CFAP95: variants seen among roughly 807,000 people sequenced by gnomAD.
CFAP95 encodes cilia- and flagella-associated protein 95.
At chr9:69,831,248 C>T in the CFAP95 span, among the ~76,000 whole-genome samples, 42 of 151,844 alleles carry the variant, frequency 2.8e-4, no homozygotes, top group Admixed American at 7.9e-4. Context: ...AATTTAGCCT[C>T]CTTTTATAGA....
the CFAP95 span, among the ~76,000 whole-genome samples, chr9:69,853,695 C>T: frequency 1.3e-4 from 20 of 152,126 alleles, no homozygotes; most frequent in Non-Finnish European, 2.5e-4. Flanking sequence ...ATTAGGTTTG[C>T]CTACATGCAA....
chr9:69,840,522 C>A, the CFAP95 span, among the ~76,000 whole-genome samples: 1 of 152,130 alleles, frequency 6.6e-6, no homozygotes, highest in African/African-American at 2.4e-5. Context: ...CGGTTCATCT[C>A]AGGAAACCTG....
the CFAP95 span, among the ~76,000 whole-genome samples, chr9:69,882,510 T>A: frequency 1.3e-5 from 2 of 152,216 alleles, no homozygotes; most frequent in Admixed American, 1.3e-4. Flanking sequence ...AAAGTGGCCA[T>A]CCTTGTTGTA....
the CFAP95 span, among the ~76,000 whole-genome samples, chr9:69,853,439 A>G: frequency 6.6e-6 from 1 of 152,188 alleles, no homozygotes; most frequent in South Asian, 2.1e-4. Flanking sequence ...TCTATATTAT[A>G]ATTTTCTCAA....
At chr9:69,871,899 C>T in the CFAP95 span, among the ~76,000 whole-genome samples, 1 of 152,188 alleles carries the variant, frequency 6.6e-6, no homozygotes, top group African/African-American at 2.4e-5. Flanking sequence ...TAACCAACCC[C>T]TCCCACTGTT....
the CFAP95 span, among the ~76,000 whole-genome samples, chr9:69,855,826 A>C: frequency 5.9e-5 from 9 of 152,250 alleles, no homozygotes; most frequent in South Asian, 1.9e-3. Flanking sequence ...TCTCTTTAAA[A>C]AACAACAACA....
the CFAP95 span, chr9:69,858,279 G>A: frequency 5.5e-6 from 2 of 362,780 alleles, no homozygotes; most frequent in Non-Finnish European, 1.0e-5. Flanking sequence ...GGTCATTTGT[G>A]GACATATGCA....
chr9:69,896,434 C>G, the CFAP95 span, among the ~76,000 whole-genome samples: 1 of 152,052 alleles, frequency 6.6e-6, no homozygotes, highest in African/African-American at 2.4e-5. Flanking sequence ...TGTAGTGAAA[C>G]CTTACTATGT....
the CFAP95 span, among the ~76,000 whole-genome samples, chr9:69,895,359 C>CTCTCTT: frequency 1.0e-5 from 1 of 97,290 alleles, no homozygotes; most frequent in East Asian, 3.8e-4. Context: ...CTCTCTCTCT[C>CTCTCTT]TCTCTCTCTC....
At chr9:69,833,074 C>A in the CFAP95 span, among the ~76,000 whole-genome samples, 1 of 152,056 alleles carries the variant, frequency 6.6e-6, no homozygotes, top group Non-Finnish European at 1.5e-5. Context: ...AATTCAATGG[C>A]TTTTAGTATT....
the CFAP95 span, among the ~76,000 whole-genome samples, chr9:69,835,307 T>A: frequency 2.6e-5 from 4 of 152,268 alleles, no homozygotes; most frequent in Non-Finnish European, 5.9e-5. Flanking sequence ...AAAGTGTGTC[T>A]CTTGTCAAGT....
the CFAP95 span, among the ~76,000 whole-genome samples, chr9:69,882,509 A>G: frequency 6.6e-6 from 1 of 152,158 alleles, no homozygotes; most frequent in Non-Finnish European, 1.5e-5. Context: ...GAAAGTGGCC[A>G]TCCTTGTTGT....
the CFAP95 span, chr9:69,902,418 C>A: frequency 4.9e-6 from 2 of 411,372 alleles, no homozygotes; most frequent in Non-Finnish European, 9.5e-6. Flanking sequence ...TATTGTCTTG[C>A]TCAAAAATCC....
chr9:69,837,866 T>A, the CFAP95 span, among the ~76,000 whole-genome samples: 2 of 152,220 alleles, frequency 1.3e-5, no homozygotes, highest in East Asian at 1.9e-4. Context: ...TGGTTTTAGG[T>A]CTAACGTTTA....
the CFAP95 span, among the ~76,000 whole-genome samples, chr9:69,872,153 T>G: frequency 2.0e-5 from 3 of 152,220 alleles, no homozygotes; most frequent in African/African-American, 7.2e-5. Context: ...AGAGCCTGTG[T>G]CATTAACTTT....
At chr9:69,832,620 A>ATTTTTTTTTTTTTT in the CFAP95 span, among the ~76,000 whole-genome samples, 7 of 11,350 alleles carry the variant, frequency 6.2e-4, no homozygotes, top group Admixed American at 1.8e-3. Flanking sequence ...GTCTATTCGG[A>ATTTTTTTTTTTTTT]TTTTTTTTTT....
chr9:69,890,293 C>T, the CFAP95 span, among the ~76,000 whole-genome samples: 2 of 152,074 alleles, frequency 1.3e-5, no homozygotes, highest in African/African-American at 4.8e-5. Context: ...AGCATTATTT[C>T]TAATATTTCT....
At chr9:69,871,165 C>T in the CFAP95 span, among the ~76,000 whole-genome samples, 1 of 152,026 alleles carries the variant, frequency 6.6e-6, no homozygotes, top group African/African-American at 2.4e-5. Context: ...TTGCAGTGAG[C>T]TGAGATCGCC....
At chr9:69,830,511 G>C in the CFAP95 span, among the ~76,000 whole-genome samples, 2 of 152,194 alleles carry the variant, frequency 1.3e-5, no homozygotes, top group South Asian at 2.1e-4. Flanking sequence ...TCCCTCCCCA[G>C]CCAACTTGTA....
Sources: allele counts gnomAD v4.1 joint callset (sites outside exome capture counted in the v4.1 genomes callset), GRCh38; gene constraint gnomAD v4.1.1; transcripts MANE v1.5; gene names NCBI Gene and HGNC (gene_info 2026-07-23, HGNC 2026-07-21).